Variants in STRN3 observed in about 807,000 individuals in gnomAD.
The protein encoded by STRN3 is striatin 3.
In STRN3, 29 loss-of-function variants were observed where a neutral mutation model predicts 95.6. The ratio of observed to expected loss-of-function variants is 0.30; its 90% CI spans 0.23 to 0.41. The LOEUF is 0.41. Among genes scored for constraint, STRN3 ranks in the 10% least tolerant of loss-of-function variants. The pLI is 1.00. For synonymous variants in STRN3, 331 were observed against 357.6 expected (o/e 0.93, Z 0.84); for missense variants, 890 against 972.1 (o/e 0.92, Z 1.12).
At chr14:30,897,292 G>T (rs1896183705) in intron 16 of STRN3, among the ~76,000 whole-genome samples, 1 of 152,096 alleles carries the variant, frequency 6.6e-6, no homozygotes, top group Admixed American at 6.6e-5. Context: ...CCTATAAAAA[G>T]TAATATAGTA....
In STRN3 at chr14:30,985,329, C is replaced by T. The variant is rs191860507; in HGVS notation, c.283-29087G>A. 5.0e-4 allele frequency among the ~76,000 whole-genome samples: 74 copies of T among 147,026 alleles called. No individual in the cohort carries two copies. The East Asian group carries it at 0.012, about 24-fold the overall frequency. ...GCCAAAAAAAAAAAAATAGGCCAGG[C>T]GCGGTGGCTCACACCTGTAATCCCA... On this transcript the variant is annotated intron_variant, in intron 1 of 17. Transcript: ENST00000357479.
chr14:31,009,294 C>T (rs1882857749), intron 1 of STRN3, among the ~76,000 whole-genome samples: 1 of 152,094 alleles, frequency 6.6e-6, no homozygotes, highest in South Asian at 2.1e-4. Context: ...GTTTCCCAAC[C>T]TCGGCAATTA....
chr14:30,976,156 G>GT (rs1427430651), intron 1 of STRN3, among the ~76,000 whole-genome samples: 19 of 142,598 alleles, frequency 1.3e-4, no homozygotes, highest in Non-Finnish European at 2.5e-4. Flanking sequence ...TGCCAGACAG[G>GT]TTGCCTACAA....
At chr14:30,961,479 GTAACA>G (rs1260267869) in intron 1 of STRN3, among the ~76,000 whole-genome samples, 2 of 152,342 alleles carry the variant, frequency 1.3e-5, no homozygotes, top group East Asian at 3.9e-4. Flanking sequence ...CGTAGCTATT[GTAACA>G]TTGTAGTGGG....
intron 1 of STRN3, among the ~76,000 whole-genome samples, chr14:30,975,388 T>C (rs1467184330): frequency 6.6e-6 from 1 of 151,388 alleles, no homozygotes; most frequent in African/African-American, 2.4e-5. Context: ...TAATGAACTT[T>C]GGGGACTTGA....
intron 1 of STRN3, among the ~76,000 whole-genome samples, chr14:31,000,727 A>G (rs1594565022): frequency 6.6e-6 from 1 of 152,198 alleles, no homozygotes; most frequent in African/African-American, 2.4e-5. Context: ...AGCACTTAAC[A>G]CCACCCAACA....
chr14:31,001,003 A>G (rs911872313), intron 1 of STRN3, among the ~76,000 whole-genome samples: 3 of 152,188 alleles, frequency 2.0e-5, no homozygotes, highest in Non-Finnish European at 4.4e-5. Context: ...GTCTCCGTTA[A>G]GTAGGAGTTG....
chr14:30,955,359 C>G (rs1215511585), intron 3 of STRN3, among the ~76,000 whole-genome samples: 1 of 152,046 alleles, frequency 6.6e-6, no homozygotes, highest in Non-Finnish European at 1.5e-5. Flanking sequence ...ACTTTGTTAC[C>G]TTTCAGCTCA....
chr14:30,903,948 A>G (rs1896393289), intron 15 of STRN3, among the ~76,000 whole-genome samples: 1 of 152,238 alleles, frequency 6.6e-6, no homozygotes, highest in Non-Finnish European at 1.5e-5. Context: ...GGGGTAAATA[A>G]AATGAGAAAC....
At chr14:30,930,577 G>A (rs981433252) in intron 7 of STRN3, among the ~76,000 whole-genome samples, 1 of 152,056 alleles carries the variant, frequency 6.6e-6, no homozygotes, top group Non-Finnish European at 1.5e-5. Context: ...TAAATCCTAA[G>A]TTTGAAATTA....
intron 4 of STRN3, among the ~76,000 whole-genome samples, chr14:30,947,627 C>T (rs1566451670): frequency 6.6e-6 from 1 of 152,052 alleles, no homozygotes; most frequent in African/African-American, 2.4e-5. Context: ...ACACAACACA[C>T]ACACATTTTT....
chr14:30,947,779 C>T (rs541493258), intron 4 of STRN3, among the ~76,000 whole-genome samples: 52 of 152,302 alleles, frequency 3.4e-4, no homozygotes, highest in Middle Eastern at 3.4e-3. Flanking sequence ...AGCACTCCTC[C>T]AGTCCTGTGA....
chr14:30,944,036 T>C (rs1195399811), intron 5 of STRN3, among the ~76,000 whole-genome samples: 3 of 152,002 alleles, frequency 2.0e-5, no homozygotes, highest in African/African-American at 7.3e-5. Context: ...CATACACGCA[T>C]GCACACACAC....
At position 30,919,073 on chromosome 14, in the gene STRN3, G is replaced by C; in HGVS notation, c.1133C>G (p.Ala378Gly). The change falls in exon 9 of 18, where the codon GCT becomes GGT. Residue 378 changes from alanine to glycine, a missense_variant. Physicochemically the swap from Ala to Gly is moderately conservative, Grantham distance 60 (BLOSUM62 0). Coordinates refer to ENST00000357479, the MANE Select transcript of STRN3 (RefSeq NM_001083893.2). Reference sequence around the variant, plus strand: ...GGGCAGCTCATCATCTCCCAGATCAGCTATCATGTCGTAGAGTTTTGTCCT... The same window carrying C: ...GGGCAGCTCATCATCTCCCAGATCACCTATCATGTCGTAGAGTTTTGTCCT... The part of the protein sequence containing the change: ...ANRTKLYDMI[A>G]DLGDDELPHI... 2 of 1,610,454 alleles carry C rather than the reference G, an allele frequency of 1.2e-6. No individual in the cohort carries two copies. Among genetic ancestry groups the C allele is most frequent in the South Asian group, 2.2e-5 (2 of 90,620 alleles).
chr14:30,912,394 C>G (rs1169970042), intron 10 of STRN3: 5 of 398,756 alleles, frequency 1.3e-5, no homozygotes, highest in African/African-American at 2.1e-5. Context: ...TTACAAATAG[C>G]CTAGGTCAAA....
At chr14:31,017,669 TG>T (rs909826318) in intron 1 of STRN3, among the ~76,000 whole-genome samples, 5 of 152,286 alleles carry the variant, frequency 3.3e-5, no homozygotes, top group Admixed American at 6.5e-5. Context: ...GAATGTATTC[TG>T]GAAAAGGCAA....
intron 1 of STRN3, among the ~76,000 whole-genome samples, chr14:30,985,361 T>C (rs951528362): frequency 2.6e-5 from 4 of 151,488 alleles, no homozygotes; most frequent in South Asian, 2.1e-4. Flanking sequence ...CCCAGCACTT[T>C]TGGGGGCCGA....
chr14:31,025,908 A>C lies in STRN3; in HGVS notation c.278T>G (p.Leu93Arg). Residue 93 changes from leucine (L) to arginine (R), a missense_variant, in exon 1 of 18, where the codon CTG becomes CGG. Transcript: ENST00000357479. The stretch of plus-strand genomic sequence containing the variant: ...ACACCGACCCCAACGAGGTACCTGC[A>C]GTTCGGCCCGTTCCACCTCCCAGTG... ...RAHWEVERAE[L>R]QARIAFLQGE... 6.2e-7 allele frequency: 1 copy of C among 1,600,836 alleles called. No homozygotes were observed. The highest frequency in any genetic ancestry group is 8.5e-7 in the Non-Finnish European group (1 of 1,174,198).
intron 1 of STRN3, among the ~76,000 whole-genome samples, chr14:31,000,394 G>C (rs904493400): frequency 6.6e-6 from 1 of 151,850 alleles, no homozygotes; most frequent in South Asian, 2.1e-4. Flanking sequence ...AGGAAATAAA[G>C]CTTTATAGGA....
Sources: allele counts gnomAD v4.1 joint callset (sites outside exome capture counted in the v4.1 genomes callset), GRCh38; gene constraint gnomAD v4.1.1; transcripts MANE v1.5; gene names NCBI Gene and HGNC (gene_info 2026-07-23, HGNC 2026-07-21).